The following ANO4 variants were observed in gnomAD, a reference collection of about 807,000 sequenced individuals.
The protein encoded by ANO4 is anoctamin-4.
Under a neutral mutation model 141.9 loss-of-function variants are expected in ANO4, and 69 were observed. The observed-to-expected ratio is 0.49, with a 90% CI of 0.40 to 0.59. The LOEUF (loss-of-function observed/expected upper bound fraction) is 0.59, where lower values mean the gene tolerates loss of function less well. ANO4 is among the 20% of genes least tolerant of loss of function. The probability of loss-of-function intolerance (pLI) is 0.00; values close to 1 mark genes in which losing one functional copy is unlikely to be tolerated. For synonymous variants in ANO4, 350 were observed against 394.3 expected (o/e 0.89, Z 1.33); for missense variants, 894 against 1,162.2 (o/e 0.77, Z 3.36).
chr12:100,779,710 A>G (rs1317630835), intron 3 of ANO4, among the ~76,000 whole-genome samples: 1 of 152,058 alleles, frequency 6.6e-6, no homozygotes, highest in Non-Finnish European at 1.5e-5. Flanking sequence ...TTCCTCCTTT[A>G]AAGTATTTTT....
Position 101,127,027 on chromosome 12 carries a change from A to C in ANO4, c.2825A>C (p.Glu942Ala), listed in dbSNP as rs146684951. The change falls in exon 27 of 28, where the codon GAG becomes GCG. Residue 942 changes from glutamate (E) to alanine (A), a missense_variant. Transcript: ENST00000392977. ...GAACGTCTCCAGAAGGAACGAAAGGAGAGGAAGAAGAATGGAAAAGCACAC... is the reference window on the plus strand; with the variant it reads ...GAACGTCTCCAGAAGGAACGAAAGGCGAGGAAGAAGAATGGAAAAGCACAC... The part of the protein sequence containing the change: ...ELERLQKERK[E>A]RKKNGKAHHN... 1 of 1,614,020 alleles carries C rather than the reference A, an allele frequency of 6.2e-7. No individual in the cohort carries two copies. The highest frequency in any genetic ancestry group is 1.3e-5 in the African/African-American group (1 of 74,928).
intron 15 of ANO4, among the ~76,000 whole-genome samples, chr12:101,080,029 G>A (rs772112293): frequency 3.3e-5 from 5 of 152,034 alleles, no homozygotes; most frequent in Non-Finnish European, 5.9e-5. Context: ...CCTCCCTCTC[G>A]TTCATTATCT....
chr12:100,918,562 A>G (rs11110582), intron 2 of ANO4, among the ~76,000 whole-genome samples: 11,767 of 152,242 alleles, frequency 0.077, 684 homozygotes, highest in Admixed American at 0.2. Context: ...CATTAAGATT[A>G]TAATGGAGCT....
intron 8 of ANO4, 129 bp downstream of exon 8, chr12:100,987,799 G>C (rs1010115289): frequency 2.3e-6 from 3 of 1,314,108 alleles, no homozygotes; most frequent in Non-Finnish European, 3.1e-6. Flanking sequence ...TAAAAGTCTT[G>C]TGAGTGTTCA....
intron 9 of ANO4, among the ~76,000 whole-genome samples, chr12:101,036,237 G>A (rs887267494): frequency 2.0e-5 from 3 of 152,068 alleles, no homozygotes; most frequent in African/African-American, 4.8e-5. Context: ...AAACACTTGT[G>A]CGCTGTTAGT....
At chr12:100,965,578 T>A (rs1406782584) in intron 5 of ANO4, among the ~76,000 whole-genome samples, 1 of 152,016 alleles carries the variant, frequency 6.6e-6, no homozygotes, top group Non-Finnish European at 1.5e-5. Flanking sequence ...CCCAGCCCTC[T>A]TCTCTAATCC....
At chr12:100,751,865 G>A (rs763914498) in intron 3 of ANO4, among the ~76,000 whole-genome samples, 18 of 152,166 alleles carry the variant, frequency 1.2e-4, no homozygotes, top group Non-Finnish European at 2.1e-4. Context: ...TGAAGATGGG[G>A]AAAGACTGAG....
intron 1 of ANO4, among the ~76,000 whole-genome samples, chr12:100,878,477 C>G (rs534005303): frequency 6.6e-5 from 10 of 152,246 alleles, no homozygotes; most frequent in Non-Finnish European, 8.8e-5. Flanking sequence ...AATGAGGGCC[C>G]CACTCATGTG....
At chr12:100,944,204 G>A (rs1425988060) in intron 5 of ANO4, among the ~76,000 whole-genome samples, 1 of 152,128 alleles carries the variant, frequency 6.6e-6, no homozygotes, top group East Asian at 1.9e-4. Context: ...GTGTCCTGTT[G>A]TGTATCCTAA....
At chr12:100,974,442 G>A (rs2136283393) in intron 6 of ANO4, among the ~76,000 whole-genome samples, 1 of 152,104 alleles carries the variant, frequency 6.6e-6, no homozygotes, top group South Asian at 2.1e-4. Context: ...ATAAATATTA[G>A]TTAATATAAT....
chr12:100,960,096 A>G (rs1240657208), intron 5 of ANO4, among the ~76,000 whole-genome samples: 1 of 152,166 alleles, frequency 6.6e-6, no homozygotes. Flanking sequence ...CTCAATGGCT[A>G]GAGCTCATGA....
chr12:101,080,883 T>TATATATTATATA (rs1491584060), intron 15 of ANO4, among the ~76,000 whole-genome samples: 3 of 74,072 alleles, frequency 4.1e-5, no homozygotes, highest in African/African-American at 1.2e-4. Context: ...TATATATATA[T>TATATATTATATA]TATATATATA....
At chr12:100,823,618 T>C (rs1479836169) in intron 1 of ANO4, among the ~76,000 whole-genome samples, 1 of 152,096 alleles carries the variant, frequency 6.6e-6, no homozygotes, top group Non-Finnish European at 1.5e-5. Context: ...AAAACAATTT[T>C]ATATTAAACA....
intron 22 of ANO4, among the ~76,000 whole-genome samples, chr12:101,103,467 T>C (rs1012612927): frequency 1.3e-5 from 2 of 151,484 alleles, no homozygotes; most frequent in Non-Finnish European, 3.0e-5. Context: ...TATCATGTCA[T>C]TTTTCTGAAT....
At chr12:100,791,558 T>C (rs969842103), upstream of ANO4, among the ~76,000 whole-genome samples, 3 of 152,216 alleles carry the variant, frequency 2.0e-5, no homozygotes, top group African/African-American at 7.2e-5. Flanking sequence ...ATCTCTGAGG[T>C]AAAAGAAGTT....
intron 1 of ANO4, among the ~76,000 whole-genome samples, chr12:100,897,476 G>C (rs952534817): frequency 6.6e-6 from 1 of 152,240 alleles, no homozygotes; most frequent in South Asian, 2.1e-4. Context: ...ACCATGTAGC[G>C]TGCCAAGTGC....
intron 3 of ANO4, among the ~76,000 whole-genome samples, chr12:100,763,894 A>C (rs2032974601): frequency 6.6e-6 from 1 of 151,814 alleles, no homozygotes; most frequent in South Asian, 2.1e-4. Context: ...TTTAAACAAA[A>C]GGCCTAGGAA....
intron 14 of ANO4, among the ~76,000 whole-genome samples, chr12:101,058,201 G>A (rs1272480849): frequency 1.3e-5 from 2 of 152,126 alleles, no homozygotes; most frequent in African/African-American, 4.8e-5. Flanking sequence ...TGAGGCCTCT[G>A]TTCTGTTCCA....
chr12:100,872,653 CA>C (rs1462470121), intron 1 of ANO4, among the ~76,000 whole-genome samples: 3 of 152,186 alleles, frequency 2.0e-5, no homozygotes, highest in African/African-American at 7.2e-5. Flanking sequence ...AAAAGCCACA[CA>C]AATGACCTGC....
Sources: gnomAD v4.1 joint callset for allele counts (sites outside exome capture counted in the v4.1 genomes callset) on GRCh38, gnomAD v4.1.1 for gene constraint, MANE v1.5 for transcripts, NCBI Gene and HGNC (gene_info 2026-07-23, HGNC 2026-07-21) for gene names.